The following STK31 variants were observed in gnomAD, a reference collection of about 807,000 sequenced individuals.
STK31 encodes serine/threonine kinase 31.
In STK31, 89 loss-of-function variants were observed where a neutral mutation model predicts 129.7. The observed-to-expected ratio is 0.69, with a 90% CI of 0.58 to 0.82. STK31 has a LOEUF of 0.82. Ranked by LOEUF, STK31 falls within the 40% of genes least tolerant of loss-of-function variation. The pLI is 0.00. For missense variants in STK31, 1,187 were observed against 1,176.4 expected (o/e 1.01, Z -0.13); for synonymous variants, 448 against 395.3 (o/e 1.13, Z -1.58).
intron 22 of STK31, among the ~76,000 whole-genome samples, chr7:23,794,961 AAGTT>A (rs1791864555): frequency 6.6e-6 from 1 of 152,342 alleles, no homozygotes; most frequent in South Asian, 2.1e-4. Flanking sequence ...CAGAGCATAA[AAGTT>A]AGGAAAATTT....
chr7:23,831,878 C>A (rs1157564775), intron 23 of STK31, among the ~76,000 whole-genome samples: 1 of 152,112 alleles, frequency 6.6e-6, no homozygotes, highest in Non-Finnish European at 1.5e-5. Context: ...TCAGGTGATT[C>A]CCCCCACCAC....
intron 22 of STK31, among the ~76,000 whole-genome samples, chr7:23,814,150 T>TTTTTTTTTTTTG (rs1793327098): frequency 7.2e-6 from 1 of 139,078 alleles, no homozygotes; most frequent in South Asian, 2.4e-4. Context: ...GGCTCACTTA[T>TTTTTTTTTTTTG]TTTTTTTTTT....
chr7:23,711,262 C>A (rs1785942482), intron 1 of STK31, among the ~76,000 whole-genome samples: 1 of 152,046 alleles, frequency 6.6e-6, no homozygotes, highest in Admixed American at 6.5e-5. Context: ...CATGGTGAAA[C>A]CCCGTCTCTA....
chr7:23,788,151 A>G, intron 21 of STK31, 22 bp downstream of exon 21: 1 of 1,598,466 alleles, frequency 6.3e-7, no homozygotes. Flanking sequence ...TGGTTTTACA[A>G]ATAGGTTCTA....
At chr7:23,820,479 G>C in intron 23 of STK31, among the ~76,000 whole-genome samples, 1 of 152,074 alleles carries the variant, frequency 6.6e-6, no homozygotes, top group Middle Eastern at 3.2e-3. Context: ...AATGACAGTC[G>C]GTATTTAGGG....
chr7:23,747,219 A>G (rs529769332), intron 8 of STK31, among the ~76,000 whole-genome samples: 16 of 152,150 alleles, frequency 1.1e-4, no homozygotes, highest in Non-Finnish European at 2.1e-4. Flanking sequence ...CTCTGCTTCT[A>G]TTCAATGACT....
chr7:23,715,820 A>G (rs1301760025), intron 3 of STK31, among the ~76,000 whole-genome samples: 2 of 152,044 alleles, frequency 1.3e-5, no homozygotes, highest in African/African-American at 4.8e-5. Context: ...TCTTTCTAGC[A>G]TTATTGAATA....
intron 23 of STK31, among the ~76,000 whole-genome samples, chr7:23,823,346 A>G (rs925775508): frequency 2.0e-5 from 3 of 152,132 alleles, no homozygotes; most frequent in African/African-American, 4.8e-5. Flanking sequence ...TCTGATGGCC[A>G]GTGATGATGA....
upstream of STK31, chr7:23,710,186 G>C (rs1048588095): frequency 4.4e-6 from 7 of 1,592,348 alleles, no homozygotes; most frequent in Non-Finnish European, 6.0e-6. Context: ...TGATGGCGCA[G>C]CGCTGTGCAC....
At position 23,830,436 on chromosome 7, in the gene STK31, A is replaced by T. The variant is rs531063148; in HGVS notation, c.2830-1700A>T. 1.4e-4 allele frequency among the ~76,000 whole-genome samples: 22 copies of T among 151,896 alleles called. No homozygotes were observed. The East Asian group carries it at 3.9e-3, about 27-fold the overall frequency. On this transcript the variant is annotated intron_variant, in intron 23 of 23. Transcript: ENST00000355870. ...TTTGCTATATCTCATCAGTTTTGTT[A>T]TGTTGCTTTGATTTTCAATTGTTCT...
chr7:23,720,299 C>G (rs2128065267), intron 4 of STK31, among the ~76,000 whole-genome samples: 2 of 152,188 alleles, frequency 1.3e-5, no homozygotes, highest in South Asian at 4.1e-4. Context: ...AGATCCAAAG[C>G]AAATCTAGGC....
intron 22 of STK31, among the ~76,000 whole-genome samples, chr7:23,809,511 C>T (rs1286408501): frequency 2.0e-5 from 3 of 152,252 alleles, no homozygotes; most frequent in African/African-American, 2.4e-5. Flanking sequence ...GAATTGGTTT[C>T]GGGACCCCCA....
At chr7:23,725,890 C>T (rs369495804) in intron 4 of STK31, 1 of 152,170 alleles carries the variant, frequency 6.6e-6, no homozygotes, top group African/African-American at 2.4e-5. Flanking sequence ...ACTCAGGGTG[C>T]TTCCACAAAT....
chr7:23,768,152 G>A (rs1442815977), intron 11 of STK31, among the ~76,000 whole-genome samples: 3 of 152,070 alleles, frequency 2.0e-5, no homozygotes, highest in South Asian at 4.2e-4. Flanking sequence ...TATGGTGGTG[G>A]TGCCATAAAA....
chr7:23,792,360 T>A (rs1412025043), intron 22 of STK31, among the ~76,000 whole-genome samples: 1 of 152,152 alleles, frequency 6.6e-6, no homozygotes, highest in Admixed American at 6.6e-5. Flanking sequence ...TAAAAATCAT[T>A]TACAAAAGTA....
intron 3 of STK31, 47 bp from the exon 4 acceptor site, chr7:23,717,434 G>A (rs1786412926): frequency 8.6e-6 from 12 of 1,391,406 alleles, no homozygotes; most frequent in Non-Finnish European, 1.2e-5. Flanking sequence ...GTGTAACACT[G>A]TAAAATAATA....
At chr7:23,778,148 A>G (rs1255798795) in intron 15 of STK31, among the ~76,000 whole-genome samples, 3 of 152,210 alleles carry the variant, frequency 2.0e-5, no homozygotes, top group African/African-American at 4.8e-5. Context: ...TTCTTTAAGA[A>G]TGTTGAATAT....
At chr7:23,777,741 G>C (rs967803543) in intron 15 of STK31, among the ~76,000 whole-genome samples, 4 of 152,000 alleles carry the variant, frequency 2.6e-5, no homozygotes, top group Non-Finnish European at 5.9e-5. Flanking sequence ...TTGCACGTCA[G>C]ATGGGTCTCC....
intron 8 of STK31, among the ~76,000 whole-genome samples, chr7:23,739,198 G>A (rs529639846): frequency 2.0e-5 from 3 of 152,156 alleles, no homozygotes; most frequent in Non-Finnish European, 4.4e-5. Flanking sequence ...ATCTCATTGT[G>A]GTTTTGATTT....
Sources: gnomAD v4.1 joint callset for allele counts (sites outside exome capture counted in the v4.1 genomes callset) on GRCh38, gnomAD v4.1.1 for gene constraint, MANE v1.5 for transcripts, NCBI Gene and HGNC (gene_info 2026-07-23, HGNC 2026-07-21) for gene names.